The following TFAP2B variants were observed in gnomAD, a reference collection of about 807,000 sequenced individuals.
TFAP2B encodes transcription factor AP-2 beta.
In TFAP2B, 9 loss-of-function variants were observed where a neutral mutation model predicts 44.3. The ratio of observed to expected loss-of-function variants is 0.20; its 90% CI spans 0.12 to 0.35. The LOEUF (loss-of-function observed/expected upper bound fraction) is 0.35, where lower values mean the gene tolerates loss of function less well. TFAP2B is among the 10% of genes least tolerant of loss of function. The probability of loss-of-function intolerance (pLI) is 1.00; values close to 1 mark genes in which losing one functional copy is unlikely to be tolerated. For missense variants in TFAP2B, 509 were observed against 600.0 expected, an observed-to-expected ratio of 0.85 and a Z score of 1.59; for synonymous variants, 270 against 263.8, an observed-to-expected ratio of 1.02 and a Z score of -0.23.
At chr6:50,821,067 G>A (rs1161048988) in intron 1 of TFAP2B, among the ~76,000 whole-genome samples, 1 of 152,218 alleles carries the variant, frequency 6.6e-6, no homozygotes, top group Non-Finnish European at 1.5e-5. Context: ...TCTGGACTAA[G>A]GTTGAACTTT....
Position 50,836,260 on chromosome 6 carries a change from C to T in TFAP2B, c.801C>T (p.Leu267=), listed in dbSNP as rs199498777. The change falls in exon 4 of 7, where the codon CTC becomes CTT. Residue 267 remains leucine, a synonymous_variant. Transcript: ENST00000393655. The part of the protein sequence containing the change: ...LSPPECLNAS[L]LGGVLRRAKS... ...CCCCTGAATGCCTCAATGCATCTCT[C>T]CTCGGCGGAGTCCTCAGAAGGTAAC... 211 of 1,612,152 alleles carry T rather than the reference C, an allele frequency of 1.3e-4. No individual in the cohort carries two copies. The highest frequency in any genetic ancestry group is 1.7e-4 in the Non-Finnish European group (201 of 1,179,872).
chr6:50,819,845 C>A (rs1421551565), intron 1 of TFAP2B, among the ~76,000 whole-genome samples: 3 of 113,692 alleles, frequency 2.6e-5, no homozygotes, highest in African/African-American at 1.1e-4. Context: ...CCGAGGCGGG[C>A]GAGGTGGGAG....
In TFAP2B at chr6:50,823,580, C is replaced by G. The variant is rs745397132; in HGVS notation, c.255C>G (p.Pro85=). Reference sequence around the variant, plus strand: ...TCCCCTACCACCAGAGCCAGGACCCCTACTCCCACGTCAACGACCCCTACT... The same window carrying G: ...TCCCCTACCACCAGAGCCAGGACCCGTACTCCCACGTCAACGACCCCTACT... ...QPLPYHQSQD[P]YSHVNDPYSL... Residue 85 remains proline (P), a synonymous_variant, in exon 2 of 7, where the codon CCC becomes CCG. Transcript: ENST00000393655. 10 of 1,613,986 alleles carry G rather than the reference C, an allele frequency of 6.2e-6. No homozygotes were observed. In the South Asian group the frequency reaches 9.9e-5, roughly 16 times the overall value.
intron 2 of TFAP2B, among the ~76,000 whole-genome samples, chr6:50,827,800 G>T (rs1011341037): frequency 6.6e-6 from 1 of 152,250 alleles, no homozygotes; most frequent in Non-Finnish European, 1.5e-5. Context: ...TGCTCCAACA[G>T]CTATTTCCTC....
chr6:50,831,669 G>A (rs1284985272), intron 3 of TFAP2B, among the ~76,000 whole-genome samples: 2 of 151,956 alleles, frequency 1.3e-5, no homozygotes, highest in Non-Finnish European at 2.9e-5. Flanking sequence ...CTGGGGGGAG[G>A]AAGAGGGTGT....
intron 6 of TFAP2B, among the ~76,000 whole-genome samples, chr6:50,840,604 G>A (rs1428669678): frequency 6.6e-6 from 1 of 152,090 alleles, no homozygotes; most frequent in African/African-American, 2.4e-5. Context: ...GGATCCGAAG[G>A]TGCATATTTC....
In TFAP2B at chr6:50,843,490, G is replaced by T. The variant is rs1237700134; in HGVS notation, c.*98G>T. On this transcript the variant is annotated 3_prime_UTR_variant, in exon 7 of 7. Coordinates refer to ENST00000393655, the MANE Select transcript of TFAP2B (RefSeq NM_003221.4). ...TTAAAATATTGGATTGGCTTTGGAA[G>T]AATTATATTAGGTAGAATACACATA... is the stretch of plus-strand genomic sequence containing the variant. 7.8e-7 allele frequency: 1 copy of T among 1,278,016 alleles called. No individual in the cohort carries two copies. Among genetic ancestry groups the T allele is most frequent in the Non-Finnish European group, 1.1e-6 (1 of 919,864 alleles). 79.2% of individuals were successfully genotyped at this position (1,278,016 alleles called of 1,614,324 possible). A position where few individuals can be genotyped will look rare whatever the true frequency, so the allele number is the denominator to read the frequency against.
rs760346809 is a variant in TFAP2B at position 50,840,282 on chromosome 6, T to A, written c.1067T>A (p.Met356Lys). Reference protein sequence around the residue: ...DPSDLHSRKNMLLATKQLCKE... With the variant: ...DPSDLHSRKNKLLATKQLCKE... Reference sequence around the variant, plus strand: ...AGTGACCTGCACTCCCGAAAGAATATGCTGTTGGCCACCAAGTGAGTTTAT... The same window carrying A: ...AGTGACCTGCACTCCCGAAAGAATAAGCTGTTGGCCACCAAGTGAGTTTAT... The change falls in exon 6 of 7, where the codon ATG (methionine) becomes AAG (lysine). Residue 356 changes from methionine (M) to lysine (K), a missense_variant. Met to Lys is a moderately conservative substitution (Grantham distance 95). Coordinates refer to ENST00000393655, the MANE Select transcript of TFAP2B (RefSeq NM_003221.4). The A allele has an allele frequency of 1.9e-6, 3 of 1,613,844 alleles. No individual in the cohort carries two copies. The Admixed American group carries it at 5.0e-5, about 27-fold the overall frequency.
intron 5 of TFAP2B, 72 bp from the exon 6 acceptor site, chr6:50,840,084 A>G (rs1762695875): frequency 6.3e-7 from 1 of 1,595,616 alleles, no homozygotes; most frequent in Non-Finnish European, 8.6e-7. Flanking sequence ...CAAAGCTGAC[A>G]AGGGAATGTC....
intron 6 of TFAP2B, among the ~76,000 whole-genome samples, chr6:50,841,788 A>G (rs547451658): frequency 1.8e-4 from 28 of 152,290 alleles, no homozygotes; most frequent in African/African-American, 6.5e-4. Flanking sequence ...TTTGGTCAGA[A>G]CCCTTATCTA....
At chr6:50,836,513 G>A (rs1317555723) in intron 4 of TFAP2B, among the ~76,000 whole-genome samples, 1 of 152,164 alleles carries the variant, frequency 6.6e-6, no homozygotes, top group Non-Finnish European at 1.5e-5. Context: ...GCCTGCCCGC[G>A]CCGCGCAAGT....
At chr6:50,838,272 C>G (rs916042269) in intron 5 of TFAP2B, among the ~76,000 whole-genome samples, 179 bp downstream of exon 5, 1 of 152,178 alleles carries the variant, frequency 6.6e-6, no homozygotes, top group African/African-American at 2.4e-5. Context: ...AGGAAGCCAG[C>G]AGTTGTAGAC....
In TFAP2B at chr6:50,844,042, C is replaced by T. The variant is rs1340098835; in HGVS notation, c.*650C>T. Reference sequence around the variant, plus strand: ...TAACTCACCGGGCCCGGCTCCCCGGCCGCTTGCATAATTAGGGAGGGCGAG... The same window carrying T: ...TAACTCACCGGGCCCGGCTCCCCGGTCGCTTGCATAATTAGGGAGGGCGAG... On this transcript the variant is annotated 3_prime_UTR_variant, in exon 7 of 7. Coordinates refer to ENST00000393655, the MANE Select transcript of TFAP2B (RefSeq NM_003221.4). 1 of 152,468 alleles carries T rather than the reference C, an allele frequency of 6.6e-6. No homozygotes were observed. The highest frequency in any genetic ancestry group is 2.4e-5 in the African/African-American group (1 of 41,448). 9.4% of individuals were successfully genotyped at this position (152,468 alleles called of 1,614,324 possible).
Position 50,838,107 on chromosome 6 carries a change from G to A in TFAP2B, c.940+14G>A. 1.3e-6 allele frequency: 2 copies of A among 1,598,920 alleles called. No homozygotes were observed. The highest frequency in any genetic ancestry group is 8.6e-7 in the Non-Finnish European group (1 of 1,166,158). On this transcript the variant is annotated intron_variant, in intron 5 of 6. Transcript: ENST00000393655. Reference sequence around the variant, plus strand: ...CCCTGGTGGAAGGTAAGCAAGACGTGTGGCCATTTCACGAAGTGGCTGAGC... The same window carrying A: ...CCCTGGTGGAAGGTAAGCAAGACGTATGGCCATTTCACGAAGTGGCTGAGC...
chr6:50,836,124 T>C lies in TFAP2B; in HGVS notation c.665T>C (p.Met222Thr), dbSNP rs766823499. Residue 222 changes from methionine to threonine, a missense_variant, in exon 4 of 7, where the codon ATG (methionine) becomes ACG (threonine). By Grantham distance (81) the Met-to-Thr change is moderately conservative. Transcript: ENST00000393655. ...MMNKDGFLGG[M>T]SVNTGEVFCS... ...AATAAAGACGGCTTCCTGGGAGGCA[T>C]GTCTGTCAACACCGGCGAGGTGTTT... 1.2e-5 allele frequency: 19 copies of C among 1,614,032 alleles called. No homozygotes were observed. The highest frequency in any genetic ancestry group is 1.6e-5 in the Non-Finnish European group (19 of 1,180,040).
chr6:50,842,672 G>A (rs903826462), intron 6 of TFAP2B, among the ~76,000 whole-genome samples: 1 of 152,212 alleles, frequency 6.6e-6, no homozygotes, highest in Admixed American at 6.5e-5. Context: ...AATCTTTCAG[G>A]GCTTTTTGCG....
rs375026920 is a variant in TFAP2B, at chr6:50,843,550, TAAA to T, written c.*165_*167del. On this transcript the variant is annotated 3_prime_UTR_variant, in exon 7 of 7. Coordinates refer to ENST00000393655, the MANE Select transcript of TFAP2B (RefSeq NM_003221.4). ...TTTTAAAAAAAAAAGCTAAATAACT[TAAA>T]AAAAAACTGAGGCGTACAACGGAGC... 7.2e-5 allele frequency: 59 copies of T among 819,526 alleles called. No homozygotes were observed. Among genetic ancestry groups the T allele is most frequent in the South Asian group, 5.5e-4 (27 of 49,306 alleles). The allele number at this position is 819,526 out of a possible 1,614,324, so 50.8% of individuals were successfully genotyped here. A position where few individuals can be genotyped will look rare whatever the true frequency, so the allele number is the denominator to read the frequency against.
In TFAP2B at chr6:50,843,292, T is replaced by C. The variant is rs1312232282; in HGVS notation, c.1283T>C (p.Met428Thr). The C allele has an allele frequency of 1.2e-6, 2 of 1,614,012 alleles. No individual in the cohort carries two copies. Among genetic ancestry groups the C allele is most frequent in the South Asian group, 1.1e-5 (1 of 91,084 alleles). ...QNYLTEALKG[M>T]DKMFLNNTTT... is the part of the protein sequence containing the mutation. ...TATCTCACCGAGGCGCTCAAAGGCA[T>C]GGACAAGATGTTCTTGAACAACACC... The change falls in exon 7 of 7, where the codon ATG (methionine) becomes ACG (threonine). Residue 428 changes from methionine (M) to threonine (T), a missense_variant. By Grantham distance (81) the Met-to-Thr change is moderately conservative. Coordinates refer to ENST00000393655, the MANE Select transcript of TFAP2B (RefSeq NM_003221.4).
chr6:50,842,997 C>G (rs1762762724), intron 6 of TFAP2B, 95 bp from the exon 7 acceptor site: 1 of 1,532,428 alleles, frequency 6.5e-7, no homozygotes, highest in Admixed American at 1.7e-5. Context: ...TCTTCGGTGA[C>G]CCGGCGCCTC....
Sources: allele counts gnomAD v4.1 joint callset (sites outside exome capture counted in the v4.1 genomes callset), GRCh38; gene constraint gnomAD v4.1.1; transcripts MANE v1.5; gene names NCBI Gene and HGNC (gene_info 2026-07-23, HGNC 2026-07-21).